The following USP37 variants were observed in gnomAD, a reference collection of about 807,000 sequenced individuals.
The protein encoded by USP37 is ubiquitin specific peptidase 37, also known as ubiquitin carboxyl-terminal hydrolase 37.
Under a neutral mutation model 124.0 loss-of-function variants are expected in USP37, and 27 were observed. That is an observed-to-expected ratio of 0.22 (90% CI 0.16 to 0.30). The LOEUF is 0.30. Ranked by LOEUF, USP37 falls within the 10% of genes least tolerant of loss-of-function variation. USP37 has a pLI of 1.00. For synonymous variants in USP37, 365 were observed against 388.0 expected (o/e 0.94, Z 0.70); for missense variants, 889 against 1,140.4 (o/e 0.78, Z 3.17).
intron 2 of USP37, 106 bp downstream of exon 2, chr2:218,562,567 T>A: frequency 2.5e-6 from 1 of 394,494 alleles, no homozygotes; most frequent in Admixed American, 4.4e-5. Flanking sequence ...AAATAAAGTA[T>A]GGCCAAAACA....
chr2:218,471,297 T>C (rs1344481935), intron 20 of USP37, among the ~76,000 whole-genome samples: 3 of 152,162 alleles, frequency 2.0e-5, no homozygotes, highest in Non-Finnish European at 4.4e-5. Flanking sequence ...AGTTCACACT[T>C]TGAGAAGCAC....
At chr2:218,476,172 C>T (rs1690962623) in intron 19 of USP37, among the ~76,000 whole-genome samples, 1 of 152,114 alleles carries the variant, frequency 6.6e-6, no homozygotes, top group South Asian at 2.1e-4. Flanking sequence ...ATTAACTATC[C>T]ATATAATTAT....
rs1189081851 is a variant in USP37, at chr2:218,466,065, C to T, written c.2411G>A (p.Arg804His). The T allele has an allele frequency of 2.5e-6, 4 of 1,613,232 alleles. No homozygotes were observed. Among genetic ancestry groups the T allele is most frequent in the Admixed American group, 1.7e-5 (1 of 59,748 alleles). The change falls in exon 21 of 26, where the codon CGT (arginine) becomes CAT (histidine). Residue 804 changes from arginine (R) to histidine (H), a missense_variant. By Grantham distance (29) the Arg-to-His change is conservative. Transcript: ENST00000258399. ...CTGAAGCTCTTGCTCTTCCCTTTCA[C>T]GCTCCATATCATACTGCTGGAGCCA... ...VDWLQQYDME[R>H]EREEQELQQA...
rs1439240782 is a variant in USP37, at chr2:218,454,750, T to G, written c.*180A>C. 2 of 1,316,344 alleles carry G rather than the reference T, an allele frequency of 1.5e-6. No individual in the cohort carries two copies. Among genetic ancestry groups the G allele is most frequent in the East Asian group, 5.2e-5 (2 of 38,684 alleles). The allele number at this position is 1,316,344 out of a possible 1,614,324, so 81.5% of individuals were successfully genotyped here. ...ATCAGCTACGGATGTGAGACCAAAG[T>G]TTCCATAAAATAGCATGGAGCATTC... On this transcript the variant is annotated 3_prime_UTR_variant, in exon 26 of 26. Transcript: ENST00000258399.
rs1276615772 is a variant in USP37, at chr2:218,463,321, C to T, written c.2512G>A (p.Glu838Lys). The change falls in exon 22 of 26, where the codon GAG becomes AAG. Residue 838 changes from glutamate (E) to lysine (K), a missense_variant. Transcript: ENST00000258399. The stretch of plus-strand genomic sequence containing the variant: ...ATCTCCACACCTTGAAGACTTAACT[C>T]GGTAGCTCTTTTGAGGTCATCATCT... ...KEDDDLKRAT[E>K]LSLQEFNNSF... 6 of 1,613,746 alleles carry T rather than the reference C, an allele frequency of 3.7e-6. No individual in the cohort carries two copies. Among genetic ancestry groups the T allele is most frequent in the East Asian group, 2.2e-5 (1 of 44,886 alleles).
chr2:218,565,414 A>G (rs1478637203), intron 1 of USP37, among the ~76,000 whole-genome samples: 1 of 152,240 alleles, frequency 6.6e-6, no homozygotes, highest in Non-Finnish European at 1.5e-5. Flanking sequence ...AAGGAGAAAA[A>G]ATTAGTTTTG....
chr2:218,533,713 C>A (rs1691464679), intron 9 of USP37, among the ~76,000 whole-genome samples: 1 of 152,126 alleles, frequency 6.6e-6, no homozygotes. Flanking sequence ...GAAGAATATT[C>A]CTAGGGTCCT....
chr2:218,476,182 T>C (rs1690963773), intron 19 of USP37, among the ~76,000 whole-genome samples: 2 of 152,166 alleles, frequency 1.3e-5, no homozygotes, highest in Non-Finnish European at 1.5e-5. Flanking sequence ...CATATAATTA[T>C]CTATATATTA....
At chr2:218,559,001 T>TAAAAAAAAAAAAAA (rs35129465) in intron 3 of USP37, among the ~76,000 whole-genome samples, 1 of 143,144 alleles carries the variant, frequency 7.0e-6, no homozygotes. Context: ...AAATATAAGT[T>TAAAAAAAAAAAAAA]AAAAAAAAAA....
intron 9 of USP37, among the ~76,000 whole-genome samples, chr2:218,532,654 G>A (rs2106027537): frequency 6.6e-6 from 1 of 151,996 alleles, no homozygotes; most frequent in East Asian, 1.9e-4. Context: ...GACTGGCTGG[G>A]TGCAGTGGGT....
chr2:218,566,930 T>C (rs1023577557), intron 1 of USP37, among the ~76,000 whole-genome samples: 1 of 152,066 alleles, frequency 6.6e-6, no homozygotes, highest in East Asian at 1.9e-4. Flanking sequence ...AATTTCGATA[T>C]GGAGAGAAAG....
chr2:218,534,896 T>C (rs1381428000), intron 8 of USP37, among the ~76,000 whole-genome samples, 190 bp from the exon 9 acceptor site: 1 of 152,154 alleles, frequency 6.6e-6, no homozygotes, highest in Non-Finnish European at 1.5e-5. Flanking sequence ...AAAATAATCT[T>C]TAATTACTAT....
chr2:218,466,943 C>A (rs1012008731), intron 20 of USP37, among the ~76,000 whole-genome samples: 2 of 152,030 alleles, frequency 1.3e-5, no homozygotes, highest in African/African-American at 4.8e-5. Context: ...ATTGGCCAGG[C>A]TGCTCTCAAA....
At chr2:218,480,507 G>C (rs1296859155) in intron 17 of USP37, among the ~76,000 whole-genome samples, 1 of 151,618 alleles carries the variant, frequency 6.6e-6, no homozygotes, top group Admixed American at 6.6e-5. Flanking sequence ...GACAGCACTG[G>C]AAATGAAGTC....
intron 13 of USP37, 48 bp downstream of exon 13, chr2:218,497,686 A>G: frequency 6.2e-7 from 1 of 1,606,358 alleles, no homozygotes; most frequent in Non-Finnish European, 8.5e-7. Context: ...TACAGACGTG[A>G]GCCACCGTGT....
At chr2:218,497,641 G>A (rs954974058) in intron 13 of USP37, 93 bp downstream of exon 13, 12 of 1,514,196 alleles carry the variant, frequency 7.9e-6, no homozygotes, top group Non-Finnish European at 1.1e-5. Context: ...GACCTCAGGT[G>A]ACCTGCCCAC....
At chr2:218,528,763 T>C in intron 10 of USP37, 1 of 317,550 alleles carries the variant, frequency 3.1e-6, no homozygotes, top group South Asian at 3.9e-5. Context: ...TCTCAACAAG[T>C]GCTTAGCAGG....
chr2:218,538,289 T>G (rs1162638809), intron 8 of USP37, among the ~76,000 whole-genome samples: 1 of 152,192 alleles, frequency 6.6e-6, no homozygotes, highest in Non-Finnish European at 1.5e-5. Flanking sequence ...CTACTTTGTA[T>G]GGAGAGAGAA....
At chr2:218,559,869 A>G (rs992035905) in intron 3 of USP37, among the ~76,000 whole-genome samples, 1 of 151,584 alleles carries the variant, frequency 6.6e-6, no homozygotes, top group African/African-American at 2.4e-5. Flanking sequence ...AGCTCCAACT[A>G]CTCCAGAGGC....
Sources: allele counts gnomAD v4.1 joint callset (sites outside exome capture counted in the v4.1 genomes callset), GRCh38; gene constraint gnomAD v4.1.1; transcripts MANE v1.5; gene names NCBI Gene and HGNC (gene_info 2026-07-23, HGNC 2026-07-21).